The following DIP2C variants were observed in gnomAD, a reference collection of about 807,000 sequenced individuals.
DIP2C encodes the protein disco-interacting protein 2 homolog C.
Under a neutral mutation model 192.4 loss-of-function variants are expected in DIP2C, and 33 were observed. That is an observed-to-expected ratio of 0.17 (90% CI 0.13 to 0.23). The LOEUF (loss-of-function observed/expected upper bound fraction) is 0.23, where lower values mean the gene tolerates loss of function less well. Ranked by LOEUF, DIP2C falls within the 10% of genes least tolerant of loss-of-function variation. The pLI, the probability that DIP2C is intolerant of heterozygous loss-of-function variation, is 1.00. For synonymous variants in DIP2C, 979 were observed against 864.1 expected (o/e 1.13, Z -2.33); for missense variants, 1,537 against 2,110.1 (o/e 0.73, Z 5.32).
intron 32 of DIP2C, among the ~76,000 whole-genome samples, chr10:301,250 T>A (rs1194481771): frequency 1.3e-5 from 2 of 152,038 alleles, no homozygotes; most frequent in South Asian, 4.1e-4. Context: ...GTGAAAAGGG[T>A]CAAAGGAGGG....
chr10:564,320 TCTC>T (rs1402980203), intron 1 of DIP2C, among the ~76,000 whole-genome samples: 2 of 151,670 alleles, frequency 1.3e-5, no homozygotes, highest in African/African-American at 2.4e-5. Flanking sequence ...CACAGCTCCA[TCTC>T]CTCAACCACA....
chr10:565,788 C>A (rs1174563882), intron 1 of DIP2C, among the ~76,000 whole-genome samples: 1 of 152,242 alleles, frequency 6.6e-6, no homozygotes, highest in African/African-American at 2.4e-5. Context: ...GAGACTAAAG[C>A]AGGAGTTACC....
chr10:470,633 C>A (rs910177377), intron 3 of DIP2C, among the ~76,000 whole-genome samples: 1 of 152,138 alleles, frequency 6.6e-6, no homozygotes, highest in African/African-American at 2.4e-5. Flanking sequence ...ATGGCATGAT[C>A]CGAAGGTAAA....
intron 29 of DIP2C, among the ~76,000 whole-genome samples, chr10:330,968 T>A (rs562162961): frequency 6.9e-6 from 1 of 143,958 alleles, no homozygotes; most frequent in Admixed American, 7.4e-5. Context: ...CACAACACTA[T>A]GCCTGGCTAA....
chr10:668,906 CAG>C (rs1410909966), intron 1 of DIP2C: 1 of 152,144 alleles, frequency 6.6e-6, no homozygotes, highest in African/African-American at 2.4e-5. Flanking sequence ...TGCTCCAAAA[CAG>C]GGGCCAGGAG....
intron 1 of DIP2C, among the ~76,000 whole-genome samples, chr10:616,528 T>A (rs1393397994): frequency 6.6e-6 from 1 of 152,204 alleles, no homozygotes; most frequent in East Asian, 1.9e-4. Context: ...CTGAACAGAA[T>A]AAGCAGGCAG....
intron 1 of DIP2C, among the ~76,000 whole-genome samples, chr10:580,892 A>T (rs1850602219): frequency 6.6e-6 from 1 of 152,260 alleles, no homozygotes; most frequent in Non-Finnish European, 1.5e-5. Context: ...AACATAGTAC[A>T]CGTCAGGACT....
intron 1 of DIP2C, among the ~76,000 whole-genome samples, chr10:587,584 G>A (rs1385642552): frequency 6.6e-6 from 1 of 152,018 alleles, no homozygotes; most frequent in African/African-American, 2.4e-5. Context: ...TGACCCTCCT[G>A]AAACCCCACA....
Position 366,410 on chromosome 10 carries a change from G to A in DIP2C, c.2133C>T (p.Ala711=), listed in dbSNP as rs761531008. 7 of 1,614,184 alleles carry A rather than the reference G, an allele frequency of 4.3e-6. No homozygotes were observed. In the Admixed American group the frequency reaches 1.2e-4, roughly 27 times the overall value. The change falls in exon 19 of 37, where the codon GCC becomes GCT. Residue 711 remains alanine (A), a splice_region_variant and synonymous_variant. Coordinates refer to ENST00000280886, the MANE Select transcript of DIP2C (RefSeq NM_014974.3). ...VQDVGLVMPG[A]IMCSVKPDGV... ...CGTCTGGCTTCACTGAACACATGAT[G>A]GCTAAAAGCAAACAGGAAAGCACAT...
chr10:320,439 C>T (rs1338000107), intron 31 of DIP2C, among the ~76,000 whole-genome samples: 2 of 147,400 alleles, frequency 1.4e-5, no homozygotes, highest in Non-Finnish European at 3.0e-5. Context: ...ACCCAGGAGG[C>T]AGAGGTTGCA....
At chr10:356,219 C>T in intron 24 of DIP2C, 1 of 640,628 alleles carries the variant, frequency 1.6e-6, no homozygotes, top group Non-Finnish European at 2.8e-6. Context: ...AATATCTGTA[C>T]ACACAAATAG....
In DIP2C at chr10:674,789, T is replaced by TATATAG; in HGVS notation, c.85+14704_85+14705insCTATAT. On this transcript the variant is annotated intron_variant, in intron 1 of 36. Coordinates refer to ENST00000280886, the MANE Select transcript of DIP2C (RefSeq NM_014974.3). ...CATCTCAAATATATATATATATATA[T>TATATAG]AGAGAGAGAGAGAGAGAGAGAGAGA... Among the ~76,000 whole-genome samples, 470 of 62,486 alleles carry TATATAG rather than the reference T, an allele frequency of 7.5e-3. 8 individuals are homozygous for TATATAG. The highest frequency in any genetic ancestry group is 8.8e-3 in the Admixed American group (44 of 5,010). The allele number at this position is 62,486 out of a possible 152,430, so 41.0% of individuals were successfully genotyped here.
intron 4 of DIP2C, among the ~76,000 whole-genome samples, chr10:433,433 T>G (rs550014612): frequency 1.2e-4 from 19 of 152,248 alleles, no homozygotes; most frequent in African/African-American, 3.9e-4. Flanking sequence ...TCCCAGCACT[T>G]TAGGAGGCCG....
At chr10:328,189 C>A (rs1021323431) in intron 30 of DIP2C, among the ~76,000 whole-genome samples, 5 of 152,178 alleles carry the variant, frequency 3.3e-5, no homozygotes, top group Non-Finnish European at 7.3e-5. Context: ...TGTACAGACA[C>A]GACTGTACAC....
chr10:338,930 C>A (rs962364095), intron 29 of DIP2C, among the ~76,000 whole-genome samples: 2 of 149,794 alleles, frequency 1.3e-5, no homozygotes, highest in Non-Finnish European at 3.0e-5. Flanking sequence ...GCACCCTGCA[C>A]CCTGCCTGGC....
intron 1 of DIP2C, among the ~76,000 whole-genome samples, chr10:655,621 A>G (rs1365478960): frequency 6.6e-6 from 1 of 152,178 alleles, no homozygotes; most frequent in Non-Finnish European, 1.5e-5. Flanking sequence ...CATGCTATGT[A>G]ATATTAATAC....
At chr10:340,921 G>A (rs1218230639) in intron 29 of DIP2C, 2 of 526,496 alleles carry the variant, frequency 3.8e-6, no homozygotes, top group African/African-American at 3.8e-5. Context: ...ACCAAGCCTG[G>A]AGCCTGGGAG....
At chr10:297,479 T>C (rs1207048026) in intron 32 of DIP2C, among the ~76,000 whole-genome samples, 1 of 152,082 alleles carries the variant, frequency 6.6e-6, no homozygotes, top group Non-Finnish European at 1.5e-5. Flanking sequence ...TAACATTGAA[T>C]AGGATTCAGC....
intron 1 of DIP2C, among the ~76,000 whole-genome samples, chr10:561,121 C>CA (rs1277589013): frequency 6.6e-6 from 1 of 152,166 alleles, no homozygotes; most frequent in African/African-American, 2.4e-5. Flanking sequence ...CTAAAAGGTA[C>CA]AAAACCAGGC....
Sources: allele counts gnomAD v4.1 joint callset (sites outside exome capture counted in the v4.1 genomes callset), GRCh38; gene constraint gnomAD v4.1.1; transcripts MANE v1.5; gene names NCBI Gene and HGNC (gene_info 2026-07-23, HGNC 2026-07-21).